KCNJ1: variants seen among roughly 807,000 people sequenced by gnomAD.
KCNJ1 encodes potassium inwardly rectifying channel subfamily J member 1, also known as ATP-sensitive inward rectifier potassium channel 1.
A neutral mutation model predicts 21.9 loss-of-function variants in KCNJ1; 24 were observed. The observed-to-expected ratio is 1.10, with a 90% CI of 0.79 to 1.54. KCNJ1 has a LOEUF of 1.54. Ranked by LOEUF, KCNJ1 falls within the 40% of genes most tolerant of loss-of-function variation. The pLI is 0.00. For synonymous variants in KCNJ1, 152 were observed against 160.9 expected (o/e 0.94, Z 0.42); for missense variants, 457 against 455.4 (o/e 1.00, Z -0.03).
intron 1 of KCNJ1, among the ~76,000 whole-genome samples, chr11:128,857,419 C>T (rs1181088636): frequency 3.9e-5 from 6 of 152,136 alleles, no homozygotes. Flanking sequence ...GGACAGCAGC[C>T]CGTCTTGCCT....
intron 2 of KCNJ1, among the ~76,000 whole-genome samples, chr11:128,848,516 G>T (rs77620068): frequency 6.6e-6 from 1 of 152,044 alleles, no homozygotes; most frequent in Admixed American, 6.6e-5. Context: ...ATTGTTTCCT[G>T]TTGTTCTTCA....
chr11:128,852,618 C>T (rs1943495521), intron 1 of KCNJ1, among the ~76,000 whole-genome samples: 1 of 152,242 alleles, frequency 6.6e-6, no homozygotes, highest in Non-Finnish European at 1.5e-5. Context: ...TGTTCCATGC[C>T]ATAGAGCTGC....
chr11:128,853,976 C>T (rs1565527946), intron 1 of KCNJ1, among the ~76,000 whole-genome samples: 2 of 152,376 alleles, frequency 1.3e-5, no homozygotes, highest in South Asian at 2.1e-4. Flanking sequence ...AGGAGAAGCT[C>T]TTCCCTGCTG....
chr11:128,838,206 A>G lies in KCNJ1; in HGVS notation c.*919T>C, dbSNP rs915979714. ...CCATAAGCTGGTCCCTTTTAGGAAGATGGGCTGTCAGGGAAAGAAAGACAT... is the reference window on the plus strand; with the variant it reads ...CCATAAGCTGGTCCCTTTTAGGAAGGTGGGCTGTCAGGGAAAGAAAGACAT... On this transcript the variant is annotated 3_prime_UTR_variant, in exon 3 of 3. Coordinates refer to ENST00000392666, the MANE Select transcript of KCNJ1 (RefSeq NM_153766.3). 1 of 152,606 alleles carries G rather than the reference A, an allele frequency of 6.6e-6. No individual in the cohort carries two copies. The highest frequency in any genetic ancestry group is 2.4e-5 in the African/African-American group (1 of 41,434). 9.5% of individuals were successfully genotyped at this position (152,606 alleles called of 1,614,324 possible).
At position 128,858,337 on chromosome 11, in the gene KCNJ1, C is replaced by T. The variant is rs577420347; in HGVS notation, c.-191-7447G>A. ...GAGGTTCGCAACACAGCAGTGAGCC[C>T]TACCATGAAAAACAGGCAAGAACAG... On this transcript the variant is annotated intron_variant, in intron 1 of 2. Coordinates refer to ENST00000392666, the MANE Select transcript of KCNJ1 (RefSeq NM_153766.3). Among the ~76,000 whole-genome samples the T allele has an allele frequency of 1.2e-4, 18 of 152,196 alleles. 1 individual carries two copies. Among genetic ancestry groups the T allele is most frequent in the Admixed American group, 1.1e-3 (17 of 15,282 alleles).
In KCNJ1 at chr11:128,839,666, C is replaced by T. The variant is rs150299230; in HGVS notation, c.578G>A (p.Arg193Gln). 16 of 1,613,342 alleles carry T rather than the reference C, an allele frequency of 9.9e-6. No individual in the cohort carries two copies. The highest frequency in any genetic ancestry group is 6.7e-5 in the African/African-American group (5 of 74,868). ...KRGGKLCLLI[R>Q]VANLRKSLLI... ...AAGGCTCTTCCTGAGATTAGCCACT[C>T]GGATTAGGAGGCAAAGCTTCCCTCC... The change falls in exon 3 of 3, where the codon CGA becomes CAA. Residue 193 changes from arginine (R) to glutamine (Q), a missense_variant. Arg to Gln is a conservative substitution (Grantham distance 43). Transcript: ENST00000392666.
At chr11:128,850,694 T>C in intron 2 of KCNJ1, 27 bp downstream of exon 2, 1 of 973,014 alleles carries the variant, frequency 1.0e-6, no homozygotes, top group South Asian at 4.8e-5. Flanking sequence ...TGTCCAATAG[T>C]TGCTTATTGA....
At chr11:128,849,087 C>A (rs893632824) in intron 2 of KCNJ1, among the ~76,000 whole-genome samples, 2 of 152,112 alleles carry the variant, frequency 1.3e-5, no homozygotes, top group Non-Finnish European at 2.9e-5. Context: ...TAGTGTCATC[C>A]GAGGCACGGA....
intron 2 of KCNJ1, among the ~76,000 whole-genome samples, chr11:128,847,797 A>G (rs1943406593): frequency 6.6e-6 from 1 of 152,228 alleles, no homozygotes; most frequent in Admixed American, 6.5e-5. Flanking sequence ...CTGTAGTCAG[A>G]AATCAATGCT....
chr11:128,848,423 C>T lies in KCNJ1; in HGVS notation c.-22+2298G>A, dbSNP rs546010612. Among the ~76,000 whole-genome samples the T allele has an allele frequency of 2.1e-4, 32 of 152,010 alleles. No homozygotes were observed. The South Asian group carries it at 6.5e-3, about 31-fold the overall frequency. On this transcript the variant is annotated intron_variant, in intron 2 of 2. Coordinates refer to ENST00000392666, the MANE Select transcript of KCNJ1 (RefSeq NM_153766.3). ...CCCAGGCTGGTCTTGAACTCCTGGCCTCAAGCAATCCTCCTCCCTCAGCCT... is the reference window on the plus strand; with the variant it reads ...CCCAGGCTGGTCTTGAACTCCTGGCTTCAAGCAATCCTCCTCCCTCAGCCT...
intron 1 of KCNJ1, among the ~76,000 whole-genome samples, chr11:128,862,341 A>G (rs1943730528): frequency 6.6e-6 from 1 of 152,282 alleles, no homozygotes; most frequent in African/African-American, 2.4e-5. Flanking sequence ...CTTATGCACA[A>G]TGGATTCAAG....
rs758128834 is a variant in KCNJ1 at position 128,839,772 on chromosome 11, C to T, written c.472G>A (p.Ala158Thr). 2.5e-6 allele frequency: 4 copies of T among 1,613,892 alleles called. No individual in the cohort carries two copies. Among genetic ancestry groups the T allele is most frequent in the South Asian group, 1.1e-5 (1 of 91,064 alleles). The change falls in exon 3 of 3, where the codon GCC becomes ACC. Residue 158 changes from alanine to threonine, a missense_variant. By Grantham distance (58) the Ala-to-Thr change is moderately conservative. Coordinates refer to ENST00000392666, the MANE Select transcript of KCNJ1 (RefSeq NM_153766.3). Reference sequence around the variant, plus strand: ...GGCCTGGAGATCTTGGCTAAGATGGCCCCACACATGAAAGAATTGATTATA... The same window carrying T: ...GGCCTGGAGATCTTGGCTAAGATGGTCCCACACATGAAAGAATTGATTATA... ...GVIINSFMCG[A>T]ILAKISRPKK...
chr11:128,842,463 G>T, intron 2 of KCNJ1: 1 of 1,613,364 alleles, frequency 6.2e-7, no homozygotes, highest in Non-Finnish European at 8.5e-7. Flanking sequence ...GTCTTTCTAT[G>T]CAGACTGATT....
intron 2 of KCNJ1, among the ~76,000 whole-genome samples, chr11:128,848,639 C>G (rs533010564): frequency 6.6e-6 from 1 of 152,320 alleles, no homozygotes; most frequent in East Asian, 1.9e-4. Flanking sequence ...GAGAGCAGCA[C>G]ATCCTCAGGG....
At chr11:128,850,202 A>G (rs1203696219) in intron 2 of KCNJ1, among the ~76,000 whole-genome samples, 3 of 151,896 alleles carry the variant, frequency 2.0e-5, no homozygotes, top group Admixed American at 6.5e-5. Flanking sequence ...CCCCTTGCCA[A>G]CTTCTTGACC....
At chr11:128,841,049 G>A (rs1488474291) in intron 2 of KCNJ1, among the ~76,000 whole-genome samples, 1 of 152,150 alleles carries the variant, frequency 6.6e-6, no homozygotes, top group African/African-American at 2.4e-5. Context: ...TTTGTTAAAT[G>A]CTGAACACTA....
chr11:128,866,566 G>A, intron 1 of KCNJ1: 1 of 969,596 alleles, frequency 1.0e-6, no homozygotes, highest in Non-Finnish European at 1.2e-6. Flanking sequence ...CTGGTATAGA[G>A]CAATTGTCAC....
At chr11:128,845,953 C>G (rs746444238) in intron 2 of KCNJ1, among the ~76,000 whole-genome samples, 2 of 152,188 alleles carry the variant, frequency 1.3e-5, no homozygotes, top group African/African-American at 2.4e-5. Context: ...TGAAGCATCA[C>G]AAGGTCTGAT....
chr11:128,862,214 AG>A (rs1175835100), intron 1 of KCNJ1, among the ~76,000 whole-genome samples: 1 of 152,178 alleles, frequency 6.6e-6, no homozygotes, highest in Non-Finnish European at 1.5e-5. Flanking sequence ...ATCAGTAATA[AG>A]GGGAAGAAAA....
Sources: gnomAD v4.1 joint callset for allele counts (sites outside exome capture counted in the v4.1 genomes callset) on GRCh38, gnomAD v4.1.1 for gene constraint, MANE v1.5 for transcripts, NCBI Gene and HGNC (gene_info 2026-07-23, HGNC 2026-07-21) for gene names.